DPP10: variants seen among roughly 807,000 people sequenced by gnomAD.
DPP10 encodes the protein inactive dipeptidyl peptidase 10.
A neutral mutation model predicts 120.9 loss-of-function variants in DPP10; 33 were observed. The observed-to-expected ratio is 0.27, with a 90% CI of 0.21 to 0.37. DPP10 has a LOEUF of 0.37. DPP10 is among the 10% of genes least tolerant of loss of function. The pLI is 1.00. For missense variants in DPP10, 816 were observed against 942.8 expected (o/e 0.87, Z 1.76); for synonymous variants, 337 against 326.1 (o/e 1.03, Z -0.36).
chr2:114,527,657 C>A (rs752851043), intron 1 of DPP10, among the ~76,000 whole-genome samples: 1 of 152,002 alleles, frequency 6.6e-6, no homozygotes, highest in African/African-American at 2.4e-5. Flanking sequence ...AGTTATGCAC[C>A]GTTTAATGAC....
chr2:115,335,670 A>T (rs2063082581), intron 2 of DPP10, among the ~76,000 whole-genome samples: 1 of 152,122 alleles, frequency 6.6e-6, no homozygotes, highest in African/African-American at 2.4e-5. Flanking sequence ...TTTAATCTTG[A>T]CTATTGTGAT....
In DPP10 at chr2:115,380,921, C is replaced by T. The variant is rs533793253; in HGVS notation, c.271+37009C>T. Among the ~76,000 whole-genome samples the T allele has an allele frequency of 2.9e-3, 444 of 152,262 alleles. 1 individual carries two copies. Among genetic ancestry groups the T allele is most frequent in the African/African-American group, 9.0e-3 (373 of 41,544 alleles). ...CTTGTAGAGTTTCTGCCTAGAGATC[C>T]GCTGTTAGTCTGATGGGCTTCCCTT... On this transcript the variant is annotated intron_variant, in intron 3 of 25. Coordinates refer to ENST00000410059, the MANE Select transcript of DPP10 (RefSeq NM_020868.6).
intron 1 of DPP10, among the ~76,000 whole-genome samples, chr2:114,570,368 T>C (rs1375904984): frequency 6.6e-5 from 10 of 152,088 alleles, no homozygotes; most frequent in Admixed American, 6.5e-4. Flanking sequence ...AACTTCAATA[T>C]CACCGTGGGG....
chr2:115,786,587 T>G (rs1683372593), intron 17 of DPP10, among the ~76,000 whole-genome samples: 1 of 152,154 alleles, frequency 6.6e-6, no homozygotes, highest in African/African-American at 2.4e-5. Flanking sequence ...ATAGCCAGCA[T>G]GGGTCTCTGA....
intron 1 of DPP10, among the ~76,000 whole-genome samples, chr2:115,036,568 G>A (rs1024237696): frequency 6.6e-6 from 1 of 152,156 alleles, no homozygotes; most frequent in Non-Finnish European, 1.5e-5. Context: ...GGAAACCTGA[G>A]GATAAGGAGT....
At chr2:114,789,166 C>CA (rs11276154) in intron 1 of DPP10, among the ~76,000 whole-genome samples, 71,594 of 152,028 alleles carry the variant, frequency 0.47, 17,534 homozygotes, top group African/African-American at 0.58. Flanking sequence ...AGCGCCATCA[C>CA]TGGGATAGTT....
At chr2:115,721,382 A>G (rs2092645205) in intron 7 of DPP10, among the ~76,000 whole-genome samples, 1 of 152,200 alleles carries the variant, frequency 6.6e-6, no homozygotes. Context: ...AAGCTGCCCT[A>G]TGGTTTTGTA....
intron 21 of DPP10, among the ~76,000 whole-genome samples, chr2:115,826,453 G>A (rs1406638527): frequency 6.6e-6 from 1 of 152,108 alleles, no homozygotes; most frequent in Non-Finnish European, 1.5e-5. Flanking sequence ...CGGGCATGGT[G>A]GCTCACGCTG....
intron 1 of DPP10, among the ~76,000 whole-genome samples, chr2:114,548,266 G>A: frequency 6.6e-6 from 1 of 152,176 alleles, no homozygotes; most frequent in East Asian, 1.9e-4. Context: ...AGTAAAGAAA[G>A]TTCTGCGGCA....
rs573259157 is a variant in DPP10, at chr2:115,632,152, T to G, written c.442-57535T>G. 2.6e-5 allele frequency among the ~76,000 whole-genome samples: 4 copies of G among 152,312 alleles called. No homozygotes were observed. In the South Asian group the frequency reaches 8.3e-4, roughly 32 times the overall value. Reference sequence around the variant, plus strand: ...AGCTCTTCTTGTTGAATTGAACCCTTTAGCATTATGCAATGCCCTTCTTTG... The same window carrying G: ...AGCTCTTCTTGTTGAATTGAACCCTGTAGCATTATGCAATGCCCTTCTTTG... On this transcript the variant is annotated intron_variant, in intron 5 of 25. Transcript: ENST00000410059.
chr2:115,175,211 T>C (rs1333020635), intron 1 of DPP10, among the ~76,000 whole-genome samples: 1 of 152,198 alleles, frequency 6.6e-6, no homozygotes, highest in Non-Finnish European at 1.5e-5. Context: ...GAAAAATAGC[T>C]CTTCTCATTC....
chr2:114,817,320 T>C (rs1323440930), intron 1 of DPP10, among the ~76,000 whole-genome samples: 3 of 147,248 alleles, frequency 2.0e-5, no homozygotes, highest in Non-Finnish European at 4.5e-5. Flanking sequence ...AAAAAAAGGC[T>C]CACATGAAAG....
intron 1 of DPP10, among the ~76,000 whole-genome samples, chr2:114,586,441 C>T (rs948540071): frequency 3.5e-4 from 53 of 152,314 alleles, no homozygotes; most frequent in African/African-American, 1.2e-3. Context: ...CAAATTAATC[C>T]TAAACCTTAG....
At chr2:115,051,511 T>C (rs1705480798) in intron 1 of DPP10, among the ~76,000 whole-genome samples, 1 of 152,166 alleles carries the variant, frequency 6.6e-6, no homozygotes, top group Non-Finnish European at 1.5e-5. Context: ...GACAGCTACT[T>C]GAATCCACAC....
At chr2:114,479,172 C>A (rs1680784314) in intron 1 of DPP10, among the ~76,000 whole-genome samples, 2 of 152,014 alleles carry the variant, frequency 1.3e-5, no homozygotes, top group Non-Finnish European at 2.9e-5. Context: ...GATTGAGAAG[C>A]TCAAAATAGG....
At chr2:114,581,173 CTTTTTTTTTTTTTTTT>C (rs70937291) in intron 1 of DPP10, among the ~76,000 whole-genome samples, 1 of 77,892 alleles carries the variant, frequency 1.3e-5, no homozygotes, top group Non-Finnish European at 2.3e-5. Flanking sequence ...TTTTTCTTCT[CTTTTTTTTTTTTTTTT>C]TTTTTTTTTT....
At chr2:114,638,149 T>C (rs956672738) in intron 1 of DPP10, among the ~76,000 whole-genome samples, 1 of 151,910 alleles carries the variant, frequency 6.6e-6, no homozygotes, top group African/African-American at 2.4e-5. Context: ...TCATTTCTGA[T>C]TTTTTTCAGC....
intron 1 of DPP10, among the ~76,000 whole-genome samples, chr2:114,898,695 A>G (rs1409710279): frequency 6.6e-6 from 1 of 152,294 alleles, no homozygotes; most frequent in East Asian, 1.9e-4. Flanking sequence ...AATAACAACT[A>G]TTTAGTTGCC....
chr2:115,520,912 G>A (rs779116172), intron 4 of DPP10, among the ~76,000 whole-genome samples: 3 of 152,220 alleles, frequency 2.0e-5, no homozygotes, highest in Non-Finnish European at 2.9e-5. Context: ...GGACATTACC[G>A]TGGCAATAAA....
Sources: allele counts gnomAD v4.1 joint callset (sites outside exome capture counted in the v4.1 genomes callset), GRCh38; gene constraint gnomAD v4.1.1; transcripts MANE v1.5; gene names NCBI Gene and HGNC (gene_info 2026-07-23, HGNC 2026-07-21).